Variants in FSTL5 observed in about 807,000 individuals in gnomAD.
The protein encoded by FSTL5 is follistatin like 5, also known as follistatin-related protein 5.
Under a neutral mutation model 89.1 loss-of-function variants are expected in FSTL5, and 62 were observed. That is an observed-to-expected ratio of 0.70 (90% confidence interval 0.57 to 0.86). The LOEUF (loss-of-function observed/expected upper bound fraction) is 0.86, where lower values mean the gene tolerates loss of function less well. Among genes scored for constraint, FSTL5 ranks in the 40% least tolerant of loss-of-function variants. The probability of loss-of-function intolerance (pLI) is 0.00; values close to 1 mark genes in which losing one functional copy is unlikely to be tolerated. For missense variants in FSTL5, 1,057 were observed against 1,001.6 expected, an observed-to-expected ratio of 1.06 and a Z score of -0.75; for synonymous variants, 383 against 346.2, an observed-to-expected ratio of 1.11 and a Z score of -1.18.
intron 10 of FSTL5, among the ~76,000 whole-genome samples, chr4:161,523,849 T>C (rs187886755): frequency 3.5e-4 from 53 of 152,288 alleles, no homozygotes; most frequent in Admixed American, 5.9e-4. Flanking sequence ...TAAAAATGCT[T>C]ATTGTGGTAT....
chr4:161,539,094 ATTTG>A (rs1440792921), intron 9 of FSTL5, among the ~76,000 whole-genome samples: 3 of 151,632 alleles, frequency 2.0e-5, no homozygotes, highest in Non-Finnish European at 2.9e-5. Context: ...TGTTATAGTC[ATTTG>A]TTTAAGTTTC....
chr4:162,057,392 C>T (rs1297460357), intron 2 of FSTL5, among the ~76,000 whole-genome samples: 1 of 152,086 alleles, frequency 6.6e-6, no homozygotes, highest in African/African-American at 2.4e-5. Context: ...AAAACAGTGT[C>T]TAAGGATAAC....
intron 4 of FSTL5, among the ~76,000 whole-genome samples, chr4:161,829,139 T>TTATATATATATA (rs56839306): frequency 0.021 from 2,900 of 139,784 alleles, 36 homozygotes; most frequent in Non-Finnish European, 0.023. Context: ...CAGTCACATT[T>TTATATATATATA]TATATATATA....
chr4:161,944,344 T>G (rs187046683), intron 3 of FSTL5, among the ~76,000 whole-genome samples: 213 of 152,216 alleles, frequency 1.4e-3, no homozygotes, highest in African/African-American at 4.7e-3. Context: ...AAAAAAAATC[T>G]ATTTTACATT....
intron 3 of FSTL5, among the ~76,000 whole-genome samples, chr4:161,953,177 T>C (rs1434970840): frequency 6.6e-6 from 1 of 151,722 alleles, no homozygotes; most frequent in Non-Finnish European, 1.5e-5. Flanking sequence ...AATATGTCTG[T>C]TTGCTCTCTG....
At chr4:161,610,166 A>C (rs1357579501) in intron 7 of FSTL5, among the ~76,000 whole-genome samples, 2 of 152,150 alleles carry the variant, frequency 1.3e-5, no homozygotes, top group African/African-American at 4.8e-5. Context: ...TAGTAAAAAA[A>C]AAAGGATAAC....
chr4:161,469,523 T>C (rs1028932841), intron 13 of FSTL5, among the ~76,000 whole-genome samples: 2 of 152,222 alleles, frequency 1.3e-5, no homozygotes, highest in Admixed American at 6.5e-5. Context: ...CATTGAGTTT[T>C]GACTTACATT....
intron 15 of FSTL5, among the ~76,000 whole-genome samples, chr4:161,422,992 C>T (rs1732040886): frequency 6.6e-6 from 1 of 152,124 alleles, no homozygotes; most frequent in Non-Finnish European, 1.5e-5. Context: ...CTTCTTTTAG[C>T]TTGCTATAAA....
chr4:161,702,904 T>C (rs775300278), intron 6 of FSTL5, among the ~76,000 whole-genome samples: 8 of 152,066 alleles, frequency 5.3e-5, no homozygotes, highest in Non-Finnish European at 7.4e-5. Context: ...TAATCCCCAC[T>C]ACCCATGAAT....
In FSTL5 at chr4:161,830,997, A is replaced by G. The variant is rs547110022; in HGVS notation, c.410-54923T>C. On this transcript the variant is annotated intron_variant, in intron 4 of 15. Transcript: ENST00000306100. ...ATGATACTTAGAATACTTGAAAATC[A>G]CAACTCAAATGTTCTCCTAGAAGCT... Among the ~76,000 whole-genome samples the G allele has an allele frequency of 2.0e-5, 3 of 152,098 alleles. No homozygotes were observed. In the East Asian group the frequency reaches 5.8e-4, roughly 29 times the overall value.
chr4:161,552,105 A>G (rs1732237465), intron 8 of FSTL5, among the ~76,000 whole-genome samples: 1 of 151,914 alleles, frequency 6.6e-6, no homozygotes, highest in Non-Finnish European at 1.5e-5. Context: ...ATAACTTTTT[A>G]AAGTGATATG....
chr4:162,031,246 C>G (rs935857493), intron 3 of FSTL5, among the ~76,000 whole-genome samples: 2 of 152,090 alleles, frequency 1.3e-5, no homozygotes, highest in Non-Finnish European at 2.9e-5. Context: ...AATAAGACTT[C>G]TAGACATACT....
intron 8 of FSTL5, among the ~76,000 whole-genome samples, chr4:161,570,056 T>C (rs1209972801): frequency 6.6e-6 from 1 of 152,164 alleles, no homozygotes; most frequent in African/African-American, 2.4e-5. Context: ...TATACCCTTG[T>C]TTTTTTGTAA....
intron 4 of FSTL5, among the ~76,000 whole-genome samples, chr4:161,882,387 A>T (rs1249159307): frequency 6.6e-6 from 1 of 152,096 alleles, no homozygotes; most frequent in Non-Finnish European, 1.5e-5. Flanking sequence ...ACAGCAGATT[A>T]CTGGGAAACT....
At chr4:162,054,852 T>C (rs1192113069) in intron 2 of FSTL5, among the ~76,000 whole-genome samples, 1 of 151,860 alleles carries the variant, frequency 6.6e-6, no homozygotes, top group Non-Finnish European at 1.5e-5. Context: ...AGGAGGAGCC[T>C]AACTTCATTA....
chr4:161,821,503 T>C (rs551178598), intron 4 of FSTL5, among the ~76,000 whole-genome samples: 1 of 152,288 alleles, frequency 6.6e-6, no homozygotes, highest in African/African-American at 2.4e-5. Flanking sequence ...TAGTGAGATT[T>C]TGGTGCACCC....
chr4:161,865,016 G>A (rs1316512762), intron 4 of FSTL5, among the ~76,000 whole-genome samples: 1 of 151,874 alleles, frequency 6.6e-6, no homozygotes, highest in Non-Finnish European at 1.5e-5. Flanking sequence ...GTAATAATCA[G>A]AGATACGCAG....
At chr4:161,621,438 G>A (rs939924839) in intron 7 of FSTL5, among the ~76,000 whole-genome samples, 3 of 151,994 alleles carry the variant, frequency 2.0e-5, no homozygotes, top group Admixed American at 6.6e-5. Context: ...AAATTTAAAA[G>A]GTTGCAGGAA....
At chr4:161,735,602 T>A (rs1156646761) in intron 6 of FSTL5, among the ~76,000 whole-genome samples, 1 of 152,224 alleles carries the variant, frequency 6.6e-6, no homozygotes, top group East Asian at 1.9e-4. Context: ...ATGCCAGACA[T>A]GTTTTAATTA....
Sources: gnomAD v4.1 joint callset for allele counts (sites outside exome capture counted in the v4.1 genomes callset) on GRCh38, gnomAD v4.1.1 for gene constraint, MANE v1.5 for transcripts, NCBI Gene and HGNC (gene_info 2026-07-23, HGNC 2026-07-21) for gene names.